The following CACHD1 variants were observed in gnomAD, a reference collection of about 807,000 sequenced individuals.
CACHD1 encodes cache domain containing 1.
A neutral mutation model predicts 138.7 loss-of-function variants in CACHD1; 71 were observed. The observed-to-expected ratio is 0.51, with a 90% CI of 0.42 to 0.62. The LOEUF (loss-of-function observed/expected upper bound fraction) is 0.62, where lower values mean the gene tolerates loss of function less well. Among genes scored for constraint, CACHD1 ranks in the 20% least tolerant of loss-of-function variants. The pLI is 0.00. For synonymous variants in CACHD1, 578 were observed against 591.5 expected, an observed-to-expected ratio of 0.98 and a Z score of 0.33; for missense variants, 1,389 against 1,625.3, an observed-to-expected ratio of 0.85 and a Z score of 2.50.
chr1:64,584,198 G>T (rs377129270), intron 3 of CACHD1, among the ~76,000 whole-genome samples: 2 of 152,104 alleles, frequency 1.3e-5, no homozygotes, highest in East Asian at 3.9e-4. Context: ...CGCATTTTCA[G>T]TTGTCACAAC....
chr1:64,625,651 A>G (rs113296965), intron 4 of CACHD1, among the ~76,000 whole-genome samples: 2,385 of 152,050 alleles, frequency 0.016, 59 homozygotes, highest in African/African-American at 0.055. Context: ...AGAAAAAGAA[A>G]TTACCTAATG....
intron 16 of CACHD1, among the ~76,000 whole-genome samples, chr1:64,668,176 A>C (rs1051241712): frequency 3.3e-5 from 5 of 152,056 alleles, no homozygotes; most frequent in African/African-American, 1.2e-4. Flanking sequence ...AAAATACAAA[A>C]ATTAGCTGGG....
chr1:64,585,440 A>G (rs10493360), intron 3 of CACHD1, among the ~76,000 whole-genome samples: 39,040 of 152,138 alleles, frequency 0.26, 5,234 homozygotes, highest in Admixed American at 0.34. Flanking sequence ...TTGAACATCC[A>G]TGAGACCTTA....
intron 1 of CACHD1, among the ~76,000 whole-genome samples, chr1:64,472,139 A>G (rs1234944383): frequency 6.6e-6 from 1 of 151,830 alleles, no homozygotes; most frequent in African/African-American, 2.4e-5. Flanking sequence ...TCCCACCGGG[A>G]GAGGTGTTTA....
At chr1:64,641,689 C>T (rs6664905) in intron 7 of CACHD1, 131 bp from the exon 8 acceptor site, 572,049 of 575,728 alleles carry the variant, frequency 0.99, 284,318 homozygotes, top group East Asian at 1. Flanking sequence ...CAGCATCAAA[C>T]AGGAGGGACT....
At chr1:64,665,195 C>T (rs770762611) in intron 15 of CACHD1, among the ~76,000 whole-genome samples, 1 of 152,116 alleles carries the variant, frequency 6.6e-6, no homozygotes, top group South Asian at 2.1e-4. Context: ...ACATCTCTAC[C>T]TGTAACCCTA....
At chr1:64,677,798 T>TGGGGG (rs1650045809) in intron 22 of CACHD1, among the ~76,000 whole-genome samples, 1 of 152,124 alleles carries the variant, frequency 6.6e-6, no homozygotes, top group Admixed American at 6.5e-5. Context: ...CTTTTTTTTT[T>TGGGGG]ATTTTTTTAA....
chr1:64,553,425 G>A lies in CACHD1; in HGVS notation c.261+2769G>A, dbSNP rs550546285. ...ATGTTTCCTATTCTGTAAAATATCC[G>A]CCATCACAATCACTCACACTTCTAT... On this transcript the variant is annotated intron_variant, in intron 2 of 26. Transcript: ENST00000651257. Among the ~76,000 whole-genome samples the A allele has an allele frequency of 1.4e-4, 22 of 152,128 alleles. No individual in the cohort carries two copies. The South Asian group carries it at 4.2e-3, about 29-fold the overall frequency.
At position 64,470,752 on chromosome 1, in the gene CACHD1, G is replaced by T. The variant is rs1005904424; in HGVS notation, c.8G>T (p.Arg3Leu). 4 of 712,746 alleles carry T rather than the reference G, an allele frequency of 5.6e-6. No individual in the cohort carries two copies. The highest frequency in any genetic ancestry group is 3.7e-5 in the African/African-American group (2 of 53,608). The allele number at this position is 712,746 out of a possible 1,614,324, so 44.2% of individuals were successfully genotyped here. A position where few individuals can be genotyped will look rare whatever the true frequency, so the allele number is the denominator to read the frequency against. Residue 3 changes from arginine to leucine, a missense_variant, in exon 1 of 27, where the codon CGC becomes CTC. Physicochemically the swap from Arg to Leu is moderately radical, Grantham distance 102. Coordinates refer to ENST00000651257, the MANE Select transcript of CACHD1 (RefSeq NM_020925.4). The surrounding 1 kb of genome is among the most constrained non-coding windows in gnomAD (Gnocchi z 5.2). MA[R>L]QPEEEETAVA... is the part of the protein sequence containing the mutation. The stretch of plus-strand genomic sequence containing the variant: ...GGAGTGGGGGGAGGCAGCATGGCCC[G>T]CCAGCCGGAGGAAGAGGAGACGGCC...
chr1:64,501,169 C>G (rs1387134356), intron 1 of CACHD1, among the ~76,000 whole-genome samples: 22 of 152,012 alleles, frequency 1.4e-4, no homozygotes, highest in Non-Finnish European at 3.2e-4. Context: ...TGTGAAGATT[C>G]TCTATTCCCT....
chr1:64,547,515 A>G (rs1646726851), intron 1 of CACHD1, among the ~76,000 whole-genome samples: 1 of 152,066 alleles, frequency 6.6e-6, no homozygotes, highest in Admixed American at 6.5e-5. Flanking sequence ...ACAGGTGTGC[A>G]CCACCATGCC....
At chr1:64,643,035 CTAAAAAAAAAAAAAAAA>C (rs1648774109) in intron 8 of CACHD1, among the ~76,000 whole-genome samples, 2 of 41,486 alleles carry the variant, frequency 4.8e-5, no homozygotes, top group African/African-American at 1.3e-4. Context: ...AAGACTCTGT[CTAAAAAAAAAAAAAAAA>C]AAAAAAAAAA....
chr1:64,562,159 G>C (rs907644506), intron 2 of CACHD1, among the ~76,000 whole-genome samples: 1 of 151,918 alleles, frequency 6.6e-6, no homozygotes, highest in African/African-American at 2.4e-5. Flanking sequence ...ATTCTGCTTG[G>C]TGTTTGTTGA....
At chr1:64,549,805 T>A (rs549478800) in intron 1 of CACHD1, among the ~76,000 whole-genome samples, 1 of 143,174 alleles carries the variant, frequency 7.0e-6, no homozygotes, top group Non-Finnish European at 1.5e-5. Context: ...ATTTTTTTTA[T>A]TTTTTTGCTC....
chr1:64,561,787 G>A (rs963675890), intron 2 of CACHD1, among the ~76,000 whole-genome samples: 22 of 150,994 alleles, frequency 1.5e-4, no homozygotes, highest in African/African-American at 4.9e-4. Flanking sequence ...GAGCCAAGGA[G>A]GTTGAGGCTA....
At chr1:64,624,240 C>G (rs980904481) in intron 4 of CACHD1, among the ~76,000 whole-genome samples, 1 of 152,226 alleles carries the variant, frequency 6.6e-6, no homozygotes, top group Non-Finnish European at 1.5e-5. Context: ...TTGCCTGAAA[C>G]TGTGCTATAG....
chr1:64,658,886 C>T lies in CACHD1; in HGVS notation c.1951+13C>T, dbSNP rs934799201. On this transcript the variant is annotated intron_variant, in intron 13 of 26. Transcript: ENST00000651257. ...CTGGCAACCCTAGGTAAAGCCCTTA[C>T]ACTTCCTTCACATTCTTACTCTTAG... The T allele has an allele frequency of 1.4e-5, 21 of 1,537,484 alleles. No homozygotes were observed. Among genetic ancestry groups the T allele is most frequent in the Non-Finnish European group, 1.7e-5 (19 of 1,140,964 alleles).
chr1:64,472,103 A>G (rs996799804), intron 1 of CACHD1, among the ~76,000 whole-genome samples: 3 of 152,156 alleles, frequency 2.0e-5, no homozygotes, highest in African/African-American at 7.2e-5. Context: ...TCTGATTTCC[A>G]TCCTACTGTG....
intron 1 of CACHD1, among the ~76,000 whole-genome samples, chr1:64,537,756 T>G (rs1338393808): frequency 6.6e-6 from 1 of 152,182 alleles, no homozygotes; most frequent in Non-Finnish European, 1.5e-5. Flanking sequence ...ATTGAGCTCT[T>G]ACTATATGCA....
Sources: allele counts gnomAD v4.1 joint callset (sites outside exome capture counted in the v4.1 genomes callset), GRCh38; gene constraint gnomAD v4.1.1; non-coding constraint Gnocchi (gnomAD v3.1); transcripts MANE v1.5; gene names NCBI Gene and HGNC (gene_info 2026-07-23, HGNC 2026-07-21).